The following MYZAP variants were observed in gnomAD, a reference collection of about 807,000 sequenced individuals.
MYZAP encodes the protein GRINL1A complex locus upstream.
Under a neutral mutation model 69.4 loss-of-function variants are expected in MYZAP, and 66 were observed. That is an observed-to-expected ratio of 0.95 (90% CI 0.78 to 1.17). The LOEUF is 1.17. MYZAP is among the 50% of genes most tolerant of loss of function. The pLI is 0.00. For missense variants in MYZAP, 611 were observed against 556.2 expected, an observed-to-expected ratio of 1.10 and a Z score of -0.99; for synonymous variants, 256 against 205.9, an observed-to-expected ratio of 1.24 and a Z score of -2.09.
At chr15:57,639,310 G>A (rs968358101) in intron 9 of MYZAP, 130 bp from the exon 10 acceptor site, 4 of 957,844 alleles carry the variant, frequency 4.2e-6, no homozygotes, top group Non-Finnish European at 6.2e-6. Flanking sequence ...GCCTCTTGAA[G>A]TGTTGGGATT....
At chr15:57,662,580 A>G (rs1434020726) in intron 11 of MYZAP, among the ~76,000 whole-genome samples, 1 of 152,200 alleles carries the variant, frequency 6.6e-6, no homozygotes, top group African/African-American at 2.4e-5. Flanking sequence ...GTGACAGTGA[A>G]ATCAGAATGT....
At chr15:57,644,802 G>A (rs2037356799) in intron 10 of MYZAP, among the ~76,000 whole-genome samples, 1 of 152,144 alleles carries the variant, frequency 6.6e-6, no homozygotes, top group Non-Finnish European at 1.5e-5. Context: ...TGGCCTGGTG[G>A]TATCCAGATA....
At chr15:57,599,255 C>G (rs1430250738) in intron 1 of MYZAP, among the ~76,000 whole-genome samples, 1 of 152,014 alleles carries the variant, frequency 6.6e-6, no homozygotes, top group Non-Finnish European at 1.5e-5. Context: ...AACCACAAAG[C>G]TATCCTGTCT....
intron 2 of MYZAP, among the ~76,000 whole-genome samples, chr15:57,609,437 G>A (rs1390139592): frequency 6.6e-6 from 1 of 152,154 alleles, no homozygotes; most frequent in East Asian, 1.9e-4. Context: ...TCCTTGCCTT[G>A]TGGCAGCATC....
chr15:57,659,248 T>G (rs1006531171), intron 10 of MYZAP, among the ~76,000 whole-genome samples: 2 of 152,164 alleles, frequency 1.3e-5, no homozygotes, highest in Non-Finnish European at 2.9e-5. Context: ...GTTCATCTAG[T>G]TTATTTTTTT....
chr15:57,648,483 G>A (rs1318551965), intron 10 of MYZAP: 2 of 985,050 alleles, frequency 2.0e-6, no homozygotes, highest in Non-Finnish European at 2.4e-6. Context: ...CTATGCATAT[G>A]GATGTCACAT....
intron 1 of MYZAP, among the ~76,000 whole-genome samples, chr15:57,593,392 A>G (rs946070146): frequency 2.0e-5 from 3 of 152,254 alleles, no homozygotes; most frequent in African/African-American, 7.2e-5. Context: ...TTTGAACACA[A>G]TTGCAACTGA....
At chr15:57,613,115 T>G (rs8025907) in intron 2 of MYZAP, among the ~76,000 whole-genome samples, 10,672 of 151,656 alleles carry the variant, frequency 0.07, 1,019 homozygotes, top group African/African-American at 0.22. Context: ...TGTATTTTTA[T>G]TAGAGATGGG....
chr15:57,640,872 A>G (rs2037111859), intron 10 of MYZAP, among the ~76,000 whole-genome samples: 3 of 152,240 alleles, frequency 2.0e-5, no homozygotes, highest in Non-Finnish European at 2.9e-5. Flanking sequence ...GCATCCAGGC[A>G]GGAGCACTGC....
intron 1 of MYZAP, 58 bp from the exon 2 acceptor site, chr15:57,604,211 G>A: frequency 6.3e-7 from 1 of 1,580,546 alleles, no homozygotes; most frequent in South Asian, 1.1e-5. Context: ...AAGGTCATCT[G>A]GCTCTTTCTG....
At chr15:57,629,971 A>ATTTTTTTTTTTTTTTTTTTT (rs59322468) in intron 6 of MYZAP, 117 bp downstream of exon 6, 3 of 758,742 alleles carry the variant, frequency 4.0e-6, no homozygotes, top group African/African-American at 4.8e-5. Flanking sequence ...TCTTCATTGG[A>ATTTTTTTTTTTTTTTTTTTT]TTTTTTTTTT....
At chr15:57,618,354 G>A (rs1174964755) in intron 3 of MYZAP, among the ~76,000 whole-genome samples, 166 bp downstream of exon 3, 1 of 152,228 alleles carries the variant, frequency 6.6e-6, no homozygotes, top group Non-Finnish European at 1.5e-5. Context: ...TAATGTTAAA[G>A]TACAGATGTA....
intron 10 of MYZAP, among the ~76,000 whole-genome samples, chr15:57,659,408 A>G (rs1341551060): frequency 1.3e-5 from 2 of 152,212 alleles, no homozygotes; most frequent in Admixed American, 6.5e-5. Context: ...ACAAAAGAAA[A>G]TAAAAATTAT....
chr15:57,669,481 T>G (rs1021157222), intron 11 of MYZAP, among the ~76,000 whole-genome samples: 10 of 152,194 alleles, frequency 6.6e-5, no homozygotes, highest in Admixed American at 4.6e-4. Context: ...ACCCTCTTTC[T>G]CTCCCTATCT....
chr15:57,668,252 G>T (rs1346731071), intron 11 of MYZAP, among the ~76,000 whole-genome samples: 1 of 152,194 alleles, frequency 6.6e-6, no homozygotes, highest in Non-Finnish European at 1.5e-5. Flanking sequence ...GAGCATTAGA[G>T]TACAACTCAT....
intron 4 of MYZAP, among the ~76,000 whole-genome samples, chr15:57,622,950 G>A (rs989736525): frequency 6.6e-6 from 1 of 152,194 alleles, no homozygotes; most frequent in South Asian, 2.1e-4. Context: ...CACATAATAG[G>A]CTCATTTTCT....
At chr15:57,640,681 G>A (rs772128432) in intron 10 of MYZAP, among the ~76,000 whole-genome samples, 1 of 152,122 alleles carries the variant, frequency 6.6e-6, no homozygotes, top group Non-Finnish European at 1.5e-5. Flanking sequence ...GTATGGGAAG[G>A]GACATCTTTT....
intron 4 of MYZAP, among the ~76,000 whole-genome samples, chr15:57,621,983 A>G (rs2035848026): frequency 6.6e-6 from 1 of 152,196 alleles, no homozygotes; most frequent in Non-Finnish European, 1.5e-5. Context: ...TGTTCTTCAC[A>G]TACTGGCCAA....
At chr15:57,595,012 C>G (rs1197416118) in intron 1 of MYZAP, among the ~76,000 whole-genome samples, 1 of 152,176 alleles carries the variant, frequency 6.6e-6, no homozygotes, top group Non-Finnish European at 1.5e-5. Flanking sequence ...GGAAACCAGC[C>G]TATGTGGGTC....
Sources: gnomAD v4.1 joint callset for allele counts (sites outside exome capture counted in the v4.1 genomes callset) on GRCh38, gnomAD v4.1.1 for gene constraint, MANE v1.5 for transcripts, NCBI Gene and HGNC (gene_info 2026-07-23, HGNC 2026-07-21) for gene names.